ABI1: variants seen among roughly 807,000 people sequenced by gnomAD.
ABI1 encodes the protein Abelson interactor 1.
In ABI1, 14 loss-of-function variants were observed where a neutral mutation model predicts 54.6. The ratio of observed to expected loss-of-function variants is 0.26; its 90% CI spans 0.17 to 0.40. The LOEUF is 0.40. ABI1 is among the 10% of genes least tolerant of loss of function. The probability of loss-of-function intolerance (pLI) is 1.00; values close to 1 mark genes in which losing one functional copy is unlikely to be tolerated. For missense variants in ABI1, 443 were observed against 598.3 expected (o/e 0.74, Z 2.71); for synonymous variants, 194 against 209.3 (o/e 0.93, Z 0.63).
intron 5 of ABI1, among the ~76,000 whole-genome samples, chr10:26,769,547 T>C (rs1019807790): frequency 2.6e-5 from 4 of 152,182 alleles, no homozygotes; most frequent in Non-Finnish European, 5.9e-5. Flanking sequence ...AGACTGATTG[T>C]TGAACAACCC....
chr10:26,842,024 G>A (rs191468331), intron 1 of ABI1, among the ~76,000 whole-genome samples: 189 of 152,020 alleles, frequency 1.2e-3, no homozygotes, highest in Admixed American at 2.9e-3. Flanking sequence ...TTCCATCATG[G>A]CTGTACCAAT....
At chr10:26,837,545 T>G in intron 1 of ABI1, among the ~76,000 whole-genome samples, 1 of 152,198 alleles carries the variant, frequency 6.6e-6, no homozygotes, top group Non-Finnish European at 1.5e-5. Flanking sequence ...GGAAATGATG[T>G]CTTCTTACAA....
chr10:26,809,382 A>AC (rs1184398462), intron 2 of ABI1, among the ~76,000 whole-genome samples: 1 of 151,268 alleles, frequency 6.6e-6, no homozygotes, highest in African/African-American at 2.4e-5. Context: ...ACATAGTGAG[A>AC]CCCCATCTCT....
intron 3 of ABI1, among the ~76,000 whole-genome samples, chr10:26,774,572 C>T (rs1413781166): frequency 1.3e-5 from 2 of 152,028 alleles, no homozygotes; most frequent in African/African-American, 4.8e-5. Flanking sequence ...AAAAATCGAA[C>T]CAGATTTACT....
intron 8 of ABI1, among the ~76,000 whole-genome samples, chr10:26,758,122 A>C (rs1214401557): frequency 6.6e-6 from 1 of 151,688 alleles, no homozygotes; most frequent in African/African-American, 2.4e-5. Flanking sequence ...TTTAAAATAC[A>C]TATACAGGTC....
chr10:26,835,188 G>A (rs546732739), intron 1 of ABI1, among the ~76,000 whole-genome samples: 1 of 151,256 alleles, frequency 6.6e-6, no homozygotes, highest in African/African-American at 2.4e-5. Flanking sequence ...AAAGATGCTA[G>A]AGAGGACATG....
chr10:26,848,153 C>T (rs10082516), intron 1 of ABI1, among the ~76,000 whole-genome samples: 37,717 of 144,488 alleles, frequency 0.26, 5,481 homozygotes, highest in South Asian at 0.44. Context: ...GAACAGTAAT[C>T]GTGCCACTGC....
chr10:26,821,101 T>C (rs1335779467), intron 2 of ABI1, among the ~76,000 whole-genome samples: 6 of 150,820 alleles, frequency 4.0e-5, no homozygotes, highest in Non-Finnish European at 1.5e-5. Flanking sequence ...AAAAGTTCAC[T>C]GGGCGTGGTG....
intron 6 of ABI1, 30 bp downstream of exon 6, chr10:26,768,822 G>C (rs910728524): frequency 6.3e-7 from 1 of 1,595,562 alleles, no homozygotes; most frequent in Non-Finnish European, 8.5e-7. Context: ...CCACTTTAGA[G>C]ATGTTGAGAT....
chr10:26,823,398 G>T, intron 1 of ABI1, 93 bp from the exon 2 acceptor site: 1 of 1,009,146 alleles, frequency 9.9e-7, no homozygotes, highest in Non-Finnish European at 1.3e-6. Flanking sequence ...TATTTTACTA[G>T]AGAAATTCAA....
intron 8 of ABI1, 122 bp from the exon 9 acceptor site, chr10:26,755,863 A>G: frequency 1.6e-6 from 1 of 608,788 alleles, no homozygotes; most frequent in Non-Finnish European, 2.7e-6. Context: ...CAGTTTGCAA[A>G]TGAAACAAAA....
intron 2 of ABI1, among the ~76,000 whole-genome samples, chr10:26,809,965 G>A (rs2047124392): frequency 1.3e-5 from 2 of 152,174 alleles, no homozygotes; most frequent in Admixed American, 6.5e-5. Context: ...AAATAAAATC[G>A]TAATCATATG....
intron 2 of ABI1, among the ~76,000 whole-genome samples, chr10:26,818,859 G>A (rs1331577167): frequency 6.6e-6 from 1 of 151,876 alleles, no homozygotes; most frequent in Non-Finnish European, 1.5e-5. Context: ...GCATGGTGGC[G>A]GGCACCCATA....
chr10:26,764,034 A>T lies in ABI1; in HGVS notation c.820+1184T>A, dbSNP rs560326444. On this transcript the variant is annotated intron_variant, in intron 7 of 10. Coordinates refer to ENST00000376140, the MANE Select transcript of ABI1 (RefSeq NM_001012750.3). ...CAACATTTTGAAACAGCAAGAAAGT[A>T]CAATGTATCGGGAAGAAAAAGAAAA... 86 of 1,178,912 alleles carry T rather than the reference A, an allele frequency of 7.3e-5. 1 individual carries two copies. In the South Asian group the frequency reaches 1.2e-3, roughly 16 times the overall value. The allele number at this position is 1,178,912 out of a possible 1,614,324, so 73.0% of individuals were successfully genotyped here.
At chr10:26,813,341 A>G (rs1247863210) in intron 2 of ABI1, among the ~76,000 whole-genome samples, 1 of 152,142 alleles carries the variant, frequency 6.6e-6, no homozygotes, top group Non-Finnish European at 1.5e-5. Flanking sequence ...AATCTGAAGA[A>G]GCCCCTTCAT....
rs566837935 is a variant in ABI1, at chr10:26,785,629, G to C, written c.286-8388C>G. On this transcript the variant is annotated intron_variant, in intron 2 of 10. Coordinates refer to ENST00000376140, the MANE Select transcript of ABI1 (RefSeq NM_001012750.3). ...CTCAGTTACTTGCGGGGGTGCTGAG[G>C]CATGAGAATCGCTTGAACCCAGGAG... Among the ~76,000 whole-genome samples the C allele has an allele frequency of 7.2e-4, 109 of 152,106 alleles. 1 individual carries two copies. The highest frequency in any genetic ancestry group is 2.5e-3 in the African/African-American group (102 of 41,488).
chr10:26,748,492 T>A lies in ABI1; in HGVS notation c.*78A>T. ...AAATATGGGCACATTTTAAAACATA[T>A]TAAGACAGTTCTGTTAACCATAATA... On this transcript the variant is annotated 3_prime_UTR_variant, in exon 11 of 11. Coordinates refer to ENST00000376140, the MANE Select transcript of ABI1 (RefSeq NM_001012750.3). 3 of 1,110,432 alleles carry A rather than the reference T, an allele frequency of 2.7e-6. No individual in the cohort carries two copies. In the South Asian group the frequency reaches 5.3e-5, roughly 20 times the overall value. 68.8% of individuals were successfully genotyped at this position (1,110,432 alleles called of 1,614,324 possible). A position where few individuals can be genotyped will look rare whatever the true frequency, so the allele number is the denominator to read the frequency against.
chr10:26,852,074 G>A (rs540404182), intron 1 of ABI1, among the ~76,000 whole-genome samples: 23 of 152,074 alleles, frequency 1.5e-4, no homozygotes, highest in African/African-American at 3.4e-4. Context: ...TGGGAGGATC[G>A]CTTGACCCCA....
chr10:26,776,430 G>A (rs572983669), intron 3 of ABI1, among the ~76,000 whole-genome samples: 8 of 152,270 alleles, frequency 5.3e-5, no homozygotes, highest in Non-Finnish European at 1.0e-4. Flanking sequence ...CAGAGACAGC[G>A]AAAGAATTTT....
Sources: gnomAD v4.1 joint callset for allele counts (sites outside exome capture counted in the v4.1 genomes callset) on GRCh38, gnomAD v4.1.1 for gene constraint, MANE v1.5 for transcripts, NCBI Gene and HGNC (gene_info 2026-07-23, HGNC 2026-07-21) for gene names.